The following KIF2A variants were observed in gnomAD, a reference collection of about 807,000 sequenced individuals.
KIF2A encodes kinesin family member 2A.
KIF2A carries 22 observed loss-of-function variants against 100.2 expected under a neutral mutation model. The observed-to-expected ratio is 0.22, with a 90% CI of 0.16 to 0.31. The LOEUF (loss-of-function observed/expected upper bound fraction) is 0.31. Ranked by LOEUF, KIF2A falls within the 10% of genes least tolerant of loss-of-function variation. The pLI is 1.00. For missense variants in KIF2A, 495 were observed against 898.7 expected (o/e 0.55, Z 5.74); for synonymous variants, 268 against 285.9 (o/e 0.94, Z 0.63).
chr5:62,371,610 T>A (rs1232021281), intron 16 of KIF2A, among the ~76,000 whole-genome samples: 1 of 152,184 alleles, frequency 6.6e-6, no homozygotes, highest in Admixed American at 6.5e-5. Context: ...AGATACTTTA[T>A]TTCTGAGTCA....
At chr5:62,371,043 G>A (rs1327551369) in intron 16 of KIF2A, among the ~76,000 whole-genome samples, 2 of 152,152 alleles carry the variant, frequency 1.3e-5, no homozygotes, top group African/African-American at 4.8e-5. Context: ...GAGGCAGGAG[G>A]ATCACTTGAG....
intron 12 of KIF2A, among the ~76,000 whole-genome samples, chr5:62,362,931 A>G (rs529442915): frequency 5.3e-5 from 8 of 152,230 alleles, no homozygotes; most frequent in African/African-American, 1.9e-4. Context: ...AGCTCAAGTG[A>G]GCTTCCCGCC....
Position 62,358,191 on chromosome 5 carries a change from T to C in KIF2A, c.764T>C (p.Met255Thr). Reference sequence around the variant, plus strand: ...ACAATTCCTAGTAAAGATGTTGTGATGGTACATGAACCAAAACAAAAAGTA... The same window carrying C: ...ACAATTCCTAGTAAAGATGTTGTGACGGTACATGAACCAAAACAAAAAGTA... ...VITIPSKDVV[M>T]VHEPKQKVDL... The change falls in exon 9 of 21, where the codon ATG becomes ACG. Residue 255 changes from methionine to threonine, a missense_variant. By Grantham distance (81) the Met-to-Thr change is moderately conservative. This residue lies in a region of KIF2A where 109 missense variants were observed against 244.2 expected (regional missense o/e 0.45). Coordinates refer to ENST00000407818, the MANE Select transcript of KIF2A (RefSeq NM_001098511.3). 1 of 1,598,076 alleles carries C rather than the reference T, an allele frequency of 6.3e-7. No individual in the cohort carries two copies. Among genetic ancestry groups the C allele is most frequent in the Non-Finnish European group, 8.5e-7 (1 of 1,174,590 alleles).
intron 1 of KIF2A, among the ~76,000 whole-genome samples, chr5:62,341,269 A>G (rs1747275841): frequency 6.6e-6 from 1 of 151,700 alleles, no homozygotes; most frequent in Non-Finnish European, 1.5e-5. Context: ...AGGTTCCAAT[A>G]TTGAGGAGAC....
At position 62,385,777 on chromosome 5, in the gene KIF2A, A is replaced by G. The variant is rs2112019798; in HGVS notation, c.*208A>G. The G allele has an allele frequency of 1.9e-6, 1 of 535,486 alleles. No individual in the cohort carries two copies. The highest frequency in any genetic ancestry group is 3.2e-5 in the Admixed American group (1 of 31,100). 33.2% of individuals were successfully genotyped at this position (535,486 alleles called of 1,614,324 possible). A position where few individuals can be genotyped will look rare whatever the true frequency, so the allele number is the denominator to read the frequency against. On this transcript the variant is annotated 3_prime_UTR_variant, in exon 21 of 21. Transcript: ENST00000407818. ...GAGGCACAACCAAGAACTGGGATTA[A>G]TGAAGCATTTTGTTTCATTTACACA...
intron 1 of KIF2A, among the ~76,000 whole-genome samples, chr5:62,313,739 C>T (rs1745669661): frequency 6.6e-6 from 1 of 152,104 alleles, no homozygotes; most frequent in Non-Finnish European, 1.5e-5. Flanking sequence ...TAGCCTATTT[C>T]CTATACTCTA....
rs975294705 is a variant in KIF2A, at chr5:62,353,095, A to G, written c.458-180A>G. 19 of 490,262 alleles carry G rather than the reference A, an allele frequency of 3.9e-5. 1 individual carries two copies. The South Asian group carries it at 7.0e-4, about 18-fold the overall frequency. The allele number at this position is 490,262 out of a possible 1,614,324, so 30.4% of individuals were successfully genotyped here. ...CATTTTTCTGGACTCTCATCTGTAC[A>G]TTGTCCTATTTTAGTTTTGGTAAAG... On this transcript the variant is annotated intron_variant, in intron 5 of 20. Transcript: ENST00000407818.
At chr5:62,325,106 G>A (rs1243746478) in intron 1 of KIF2A, among the ~76,000 whole-genome samples, 1 of 151,824 alleles carries the variant, frequency 6.6e-6, no homozygotes, top group Non-Finnish European at 1.5e-5. Context: ...TTTCCTTACT[G>A]TTGTAAAGCT....
At chr5:62,347,005 A>T in intron 1 of KIF2A, 125 bp from the exon 2 acceptor site, 1 of 601,850 alleles carries the variant, frequency 1.7e-6, no homozygotes, top group Non-Finnish European at 3.0e-6. Flanking sequence ...GTCTGTGGAA[A>T]TCTCTTGTAA....
chr5:62,350,851 G>T (rs1747813509), intron 4 of KIF2A, among the ~76,000 whole-genome samples: 1 of 150,798 alleles, frequency 6.6e-6, no homozygotes, highest in African/African-American at 2.4e-5. Flanking sequence ...GGCAGAGGTT[G>T]CAGTAAGCCA....
rs1049880729 is a variant in KIF2A at position 62,306,591 on chromosome 5, C to T, written c.64+55C>T. On this transcript the variant is annotated intron_variant, in intron 1 of 20. Coordinates refer to ENST00000407818, the MANE Select transcript of KIF2A (RefSeq NM_001098511.3). ...GCTCGGCCCCGTGTTCGGGTGTGCA[C>T]GGAGGGGACGCGGGCGCCGGCCGCC... The T allele has an allele frequency of 1.5e-5, 22 of 1,422,076 alleles. No individual in the cohort carries two copies. The East Asian group carries it at 2.1e-4, about 14-fold the overall frequency. 88.1% of individuals were successfully genotyped at this position (1,422,076 alleles called of 1,614,324 possible). A position where few individuals can be genotyped will look rare whatever the true frequency, so the allele number is the denominator to read the frequency against.
intron 1 of KIF2A, among the ~76,000 whole-genome samples, chr5:62,327,823 T>C (rs547327125): frequency 6.6e-6 from 1 of 152,136 alleles, no homozygotes; most frequent in African/African-American, 2.4e-5. Flanking sequence ...GTACGTAGAG[T>C]GGAGCAGGAG....
In KIF2A at chr5:62,381,244, G is replaced by T; in HGVS notation, c.2140G>T (p.Glu714Ter). 6.2e-7 allele frequency: 1 copy of T among 1,612,280 alleles called. No individual in the cohort carries two copies. Among genetic ancestry groups the T allele is most frequent in the South Asian group, 1.1e-5 (1 of 90,954 alleles). Reference protein sequence around the residue: ...ILEQKIDILTELRDKVKSFRA... With the variant: ...ILEQKIDILT ...TGAGCAAAAAATAGACATTTTAACT[G>T]AACTGCGGGGTAATTCTTTTTCCAT... Residue 714 changes from glutamate (E) to a stop codon, truncating the protein, a stop_gained, in exon 20 of 21, where the codon GAA becomes TAA. Transcript: ENST00000407818. LOFTEE classifies it high-confidence loss of function.
chr5:62,388,948 A>G lies in KIF2A; in HGVS notation c.*3379A>G, dbSNP rs1580116448. 4.0e-6 allele frequency: 6 copies of G among 1,488,314 alleles called. No individual in the cohort carries two copies. In the East Asian group the frequency reaches 6.8e-5, roughly 17 times the overall value. The allele number at this position is 1,488,314 out of a possible 1,614,324, so 92.2% of individuals were successfully genotyped here. On this transcript the variant is annotated 3_prime_UTR_variant, in exon 21 of 21. Transcript: ENST00000407818. ...GTAAAGCAAAAGCATTATCTTCTCAAATACAAAAAATACAAAATTCATTTC... is the reference window on the plus strand; with the variant it reads ...GTAAAGCAAAAGCATTATCTTCTCAGATACAAAAAATACAAAATTCATTTC...
intron 9 of KIF2A, among the ~76,000 whole-genome samples, chr5:62,358,529 C>T (rs1264806202): frequency 6.6e-6 from 1 of 152,026 alleles, no homozygotes; most frequent in African/African-American, 2.4e-5. Flanking sequence ...GCTTATTACA[C>T]ATATATATAC....
chr5:62,360,672 A>G (rs1410284890), intron 9 of KIF2A, among the ~76,000 whole-genome samples: 1 of 152,176 alleles, frequency 6.6e-6, no homozygotes, highest in African/African-American at 2.4e-5. Flanking sequence ...GGGGACGAGA[A>G]CGAGACTTCG....
chr5:62,325,621 T>G (rs1018891879), intron 1 of KIF2A, among the ~76,000 whole-genome samples: 1 of 152,126 alleles, frequency 6.6e-6, no homozygotes, highest in African/African-American at 2.4e-5. Context: ...ACGATGGCTA[T>G]TATTAAAAAG....
chr5:62,351,629 A>G (rs1747860483), intron 4 of KIF2A, among the ~76,000 whole-genome samples: 1 of 152,266 alleles, frequency 6.6e-6, no homozygotes, highest in East Asian at 1.9e-4. Flanking sequence ...TTTAAACACT[A>G]TCTTTTGAGT....
intron 16 of KIF2A, among the ~76,000 whole-genome samples, chr5:62,368,504 C>T (rs900770036): frequency 2.6e-5 from 4 of 152,082 alleles, no homozygotes; most frequent in Admixed American, 6.6e-5. Context: ...GGGCCAGGCG[C>T]GGTGGCTTAC....
Sources: gnomAD v4.1 joint callset for allele counts (sites outside exome capture counted in the v4.1 genomes callset) on GRCh38, gnomAD v4.1.1 for gene constraint, gnomAD v4.1.1 regional missense constraint, MANE v1.5 for transcripts, NCBI Gene and HGNC (gene_info 2026-07-23, HGNC 2026-07-21) for gene names.